The following PLAG1 variants were observed in gnomAD, a reference collection of about 807,000 sequenced individuals.
The protein encoded by PLAG1 is zinc finger protein PLAG1.
In PLAG1, 7 loss-of-function variants were observed where a neutral mutation model predicts 35.5. The observed-to-expected ratio is 0.20, with a 90% confidence interval of 0.11 to 0.37. PLAG1 has a LOEUF of 0.37. Ranked by LOEUF, PLAG1 falls within the 10% of genes least tolerant of loss-of-function variation. The probability of loss-of-function intolerance (pLI) is 1.00; values close to 1 mark genes in which losing one functional copy is unlikely to be tolerated. For synonymous variants in PLAG1, 229 were observed against 225.4 expected, an observed-to-expected ratio of 1.02 and a Z score of -0.14; for missense variants, 454 against 602.8, an observed-to-expected ratio of 0.75 and a Z score of 2.58.
chr8:56,192,924 C>G (rs1812230156), intron 1 of PLAG1, among the ~76,000 whole-genome samples: 1 of 151,892 alleles, frequency 6.6e-6, no homozygotes, highest in South Asian at 2.1e-4. Context: ...AAACCCGTTT[C>G]TTTAACAAAT....
Position 56,202,547 on chromosome 8 carries a change from A to T in PLAG1, c.-322+8574T>A, listed in dbSNP as rs541797583. Among the ~76,000 whole-genome samples the T allele has an allele frequency of 3.9e-5, 6 of 152,354 alleles. No homozygotes were observed. The South Asian group carries it at 1.2e-3, about 32-fold the overall frequency. On this transcript the variant is annotated intron_variant, in intron 1 of 4. Coordinates refer to ENST00000316981, the MANE Select transcript of PLAG1 (RefSeq NM_002655.3). ...TTTCTTTTAATTCTGGAAGAGTATC[A>T]TGCATTGTACAAAAGCTATTATGAG...
chr8:56,196,249 C>A (rs1360319342), intron 1 of PLAG1, among the ~76,000 whole-genome samples: 1 of 152,158 alleles, frequency 6.6e-6, no homozygotes, highest in Non-Finnish European at 1.5e-5. Flanking sequence ...ATAGAAGAAA[C>A]AAGCCTGGCT....
Position 56,167,528 on chromosome 8 carries a change from A to T in PLAG1, c.243-25T>A. ...CCTTTAAACACAGATATAATCTATAAGTAGTTATTATGACAAAAATGGCAT... is the reference window on the plus strand; with the variant it reads ...CCTTTAAACACAGATATAATCTATATGTAGTTATTATGACAAAAATGGCAT... On this transcript the variant is annotated intron_variant, in intron 4 of 4. Coordinates refer to ENST00000316981, the MANE Select transcript of PLAG1 (RefSeq NM_002655.3). The surrounding 1 kb of genome is among the most constrained non-coding windows in gnomAD (Gnocchi z 5.9). The T allele has an allele frequency of 6.7e-7, 1 of 1,485,760 alleles. No individual in the cohort carries two copies. Among genetic ancestry groups the T allele is most frequent in the Middle Eastern group, 1.7e-4 (1 of 5,746 alleles). 92.0% of individuals were successfully genotyped at this position (1,485,760 alleles called of 1,614,324 possible). A position where few individuals can be genotyped will look rare whatever the true frequency, so the allele number is the denominator to read the frequency against.
chr8:56,204,604 C>T (rs549810073), intron 1 of PLAG1, among the ~76,000 whole-genome samples: 1 of 152,016 alleles, frequency 6.6e-6, no homozygotes, highest in South Asian at 2.1e-4. Context: ...GCTCTAATGT[C>T]TAACCACTGG....
At chr8:56,197,025 A>G in intron 1 of PLAG1, among the ~76,000 whole-genome samples, 1 of 138,568 alleles carries the variant, frequency 7.2e-6, no homozygotes, top group South Asian at 2.3e-4. Flanking sequence ...ATGTTTGTGG[A>G]TCTCTGGGGC....
chr8:56,198,577 T>C (rs1189129723), intron 1 of PLAG1, among the ~76,000 whole-genome samples: 1 of 152,180 alleles, frequency 6.6e-6, no homozygotes, highest in African/African-American at 2.4e-5. Flanking sequence ...CAAGATGGCT[T>C]TCTGCCCGGT....
chr8:56,206,281 T>C (rs2129235832), intron 1 of PLAG1, among the ~76,000 whole-genome samples: 1 of 152,076 alleles, frequency 6.6e-6, no homozygotes, highest in Non-Finnish European at 1.5e-5. Context: ...AAAATCAAAT[T>C]ATGTCCCTGT....
At chr8:56,208,715 C>T (rs571716371) in intron 1 of PLAG1, among the ~76,000 whole-genome samples, 36 of 152,176 alleles carry the variant, frequency 2.4e-4, no homozygotes, top group African/African-American at 8.7e-4. Flanking sequence ...TGAAGATTAA[C>T]CTTAATCCCC....
intron 1 of PLAG1, among the ~76,000 whole-genome samples, chr8:56,189,129 A>C (rs1487703292): frequency 6.6e-6 from 1 of 152,232 alleles, no homozygotes; most frequent in African/African-American, 2.4e-5. Flanking sequence ...GAATGAATAA[A>C]AGGAAGATGA....
In PLAG1 at chr8:56,193,336, A is replaced by G. The variant is rs909555362; in HGVS notation, c.-321-13823T>C. Among the ~76,000 whole-genome samples the G allele has an allele frequency of 3.3e-5, 5 of 152,328 alleles. No homozygotes were observed. The East Asian group carries it at 7.7e-4, about 23-fold the overall frequency. On this transcript the variant is annotated intron_variant, in intron 1 of 4. Coordinates refer to ENST00000316981, the MANE Select transcript of PLAG1 (RefSeq NM_002655.3). Reference sequence around the variant, plus strand: ...ATTCTATTGTTCTCTGTACTTCTGTATATCTTTAAAATATTCTACAATAAA... The same window carrying G: ...ATTCTATTGTTCTCTGTACTTCTGTGTATCTTTAAAATATTCTACAATAAA...
chr8:56,199,044 G>A (rs1393343659), intron 1 of PLAG1, among the ~76,000 whole-genome samples: 1 of 152,258 alleles, frequency 6.6e-6, no homozygotes, highest in Non-Finnish European at 1.5e-5. Context: ...TAGAGACTAA[G>A]GCTTCATTAG....
intron 1 of PLAG1, among the ~76,000 whole-genome samples, chr8:56,190,821 C>A (rs1307973847): frequency 3.3e-5 from 5 of 152,044 alleles, no homozygotes; most frequent in African/African-American, 9.7e-5. Context: ...ACCATCAAGG[C>A]ACAGGGGGAG....
intron 1 of PLAG1, among the ~76,000 whole-genome samples, chr8:56,199,634 A>C (rs1416416886): frequency 6.6e-6 from 1 of 152,124 alleles, no homozygotes; most frequent in Non-Finnish European, 1.5e-5. Context: ...GGCTGGAGTA[A>C]CCGGCTGGCT....
At chr8:56,198,704 C>G (rs1482007098) in intron 1 of PLAG1, among the ~76,000 whole-genome samples, 1 of 152,154 alleles carries the variant, frequency 6.6e-6, no homozygotes. Flanking sequence ...TCATTCAGGC[C>G]TCTATACAAA....
chr8:56,207,411 A>G (rs1246428473), intron 1 of PLAG1, among the ~76,000 whole-genome samples: 1 of 152,020 alleles, frequency 6.6e-6, no homozygotes, highest in East Asian at 1.9e-4. Context: ...CCACCTGTGC[A>G]TGTTATTAAA....
Sources: allele counts gnomAD v4.1 joint callset (sites outside exome capture counted in the v4.1 genomes callset), GRCh38; gene constraint gnomAD v4.1.1; non-coding constraint Gnocchi (gnomAD v3.1); transcripts MANE v1.5; gene names NCBI Gene and HGNC (gene_info 2026-07-23, HGNC 2026-07-21).